TMCO5A: variants seen among roughly 807,000 people sequenced by gnomAD.
TMCO5A encodes the protein transmembrane and coiled-coil domains 5A.
A neutral mutation model predicts 42.3 loss-of-function variants in TMCO5A; 34 were observed. The ratio of observed to expected loss-of-function variants is 0.80; its 90% CI spans 0.61 to 1.07. The LOEUF is 1.07. Among genes scored for constraint, TMCO5A ranks in the 50% least tolerant of loss-of-function variants. TMCO5A has a pLI of 0.00. For missense variants in TMCO5A, 357 were observed against 327.9 expected (o/e 1.09, Z -0.69); for synonymous variants, 131 against 115.6 (o/e 1.13, Z -0.86).
chr15:37,985,936 C>A, the TMCO5A span, among the ~76,000 whole-genome samples: 144 of 151,862 alleles, frequency 9.5e-4, 1 homozygote, highest in African/African-American at 3.4e-3. Context: ...TTGGTTGGAA[C>A]CTTTCCACTC....
chr15:38,029,292 A>T, the TMCO5A span, among the ~76,000 whole-genome samples: 20 of 152,096 alleles, frequency 1.3e-4, no homozygotes, highest in African/African-American at 4.3e-4. Context: ...ACACACACAT[A>T]TGCATACACT....
intron 10 of TMCO5A, among the ~76,000 whole-genome samples, chr15:37,945,947 T>C (rs114323745): frequency 0.016 from 2,496 of 152,274 alleles, 78 homozygotes; most frequent in African/African-American, 0.057. Context: ...TCTTTGCCCA[T>C]GCCTGTGTCC....
the TMCO5A span, among the ~76,000 whole-genome samples, chr15:37,973,735 C>A: frequency 6.6e-6 from 1 of 152,176 alleles, no homozygotes; most frequent in African/African-American, 2.4e-5. Flanking sequence ...GACTTCCTCT[C>A]TTCCTATTTC....
At chr15:37,998,628 A>G in the TMCO5A span, among the ~76,000 whole-genome samples, 1 of 152,150 alleles carries the variant, frequency 6.6e-6, no homozygotes, top group African/African-American at 2.4e-5. Flanking sequence ...AAGTCAAGCA[A>G]TGAAGTTCCT....
chr15:37,961,773 ATATTTTATTT>A (rs1890434140), intron 11 of TMCO5A, among the ~76,000 whole-genome samples: 1 of 151,532 alleles, frequency 6.6e-6, no homozygotes, highest in South Asian at 2.1e-4. Context: ...AAATTCTTGA[ATATTTTATTT>A]TATTTTTGAG....
the TMCO5A span, among the ~76,000 whole-genome samples, chr15:38,026,361 G>C: frequency 1.3e-5 from 2 of 152,174 alleles, no homozygotes; most frequent in Non-Finnish European, 2.9e-5. Flanking sequence ...TTAGCAAAGA[G>C]ACTGGCAGCA....
intron 6 of TMCO5A, among the ~76,000 whole-genome samples, chr15:37,939,453 A>G (rs189222659): frequency 9.7e-4 from 148 of 152,182 alleles, no homozygotes; most frequent in African/African-American, 3.5e-3. Flanking sequence ...CTGCCATCTG[A>G]TTGCAGTGGT....
chr15:38,028,804 T>C, the TMCO5A span, among the ~76,000 whole-genome samples: 6 of 152,154 alleles, frequency 3.9e-5, no homozygotes, highest in Non-Finnish European at 7.4e-5. Flanking sequence ...AGGTAACACC[T>C]TGTGCGCCTG....
At chr15:37,967,970 A>G (rs1160662946), downstream of TMCO5A, among the ~76,000 whole-genome samples, 1 of 152,226 alleles carries the variant, frequency 6.6e-6, no homozygotes, top group Non-Finnish European at 1.5e-5. Context: ...GACACTTGTG[A>G]TAATAGAAAG....
At chr15:37,999,237 A>C in the TMCO5A span, among the ~76,000 whole-genome samples, 1 of 152,126 alleles carries the variant, frequency 6.6e-6, no homozygotes, top group African/African-American at 2.4e-5. Context: ...AATTATCATG[A>C]TCTTTCTCTT....
chr15:38,032,741 T>A, the TMCO5A span, among the ~76,000 whole-genome samples: 1 of 152,138 alleles, frequency 6.6e-6, no homozygotes, highest in African/African-American at 2.4e-5. Context: ...GTAGCACTGT[T>A]AGGAAACCAC....
the TMCO5A span, chr15:38,039,850 C>G: frequency 6.6e-6 from 1 of 152,220 alleles, no homozygotes; most frequent in Non-Finnish European, 1.5e-5. Flanking sequence ...GGTCAGAAGT[C>G]TGGGCACGAA....
chr15:37,968,487 T>TGACC (rs1292582595), downstream of TMCO5A, among the ~76,000 whole-genome samples: 1 of 152,084 alleles, frequency 6.6e-6, no homozygotes, highest in Non-Finnish European at 1.5e-5. Flanking sequence ...TAAAAGCCAG[T>TGACC]GTTAGAGACA....
chr15:37,981,730 T>G, the TMCO5A span, among the ~76,000 whole-genome samples: 2 of 152,196 alleles, frequency 1.3e-5, no homozygotes, highest in African/African-American at 4.8e-5. Flanking sequence ...AGTGCAGACC[T>G]GGGAAGGTAA....
the TMCO5A span, among the ~76,000 whole-genome samples, chr15:38,019,237 T>C: frequency 6.6e-6 from 1 of 152,154 alleles, no homozygotes; most frequent in Non-Finnish European, 1.5e-5. Context: ...TTAATGGCAC[T>C]GTTAGGAAAA....
chr15:37,957,156 A>T (rs912349989), intron 11 of TMCO5A, among the ~76,000 whole-genome samples: 6 of 152,184 alleles, frequency 3.9e-5, no homozygotes, highest in African/African-American at 1.4e-4. Flanking sequence ...CAAAAACTGG[A>T]GGCATTCCCT....
At chr15:38,037,869 C>T in the TMCO5A span, among the ~76,000 whole-genome samples, 2 of 151,986 alleles carry the variant, frequency 1.3e-5, no homozygotes, top group Non-Finnish European at 2.9e-5. Flanking sequence ...AAAAATTAGC[C>T]TGGCATGGTG....
At chr15:38,002,801 T>C in the TMCO5A span, among the ~76,000 whole-genome samples, 2 of 152,142 alleles carry the variant, frequency 1.3e-5, no homozygotes, top group East Asian at 3.9e-4. Flanking sequence ...AAAACAGCTA[T>C]TTTGAGTTCT....
chr15:37,951,525 T>C, downstream of TMCO5A: 1 of 315,574 alleles, frequency 3.2e-6, no homozygotes, highest in South Asian at 7.1e-5. Flanking sequence ...GATAAATTAT[T>C]CTAGTGAATC....
Sources: allele counts gnomAD v4.1 joint callset (sites outside exome capture counted in the v4.1 genomes callset), GRCh38; gene constraint gnomAD v4.1.1; transcripts MANE v1.5; gene names NCBI Gene and HGNC (gene_info 2026-07-23, HGNC 2026-07-21).